EBF1: variants seen among roughly 807,000 people sequenced by gnomAD.
EBF1 encodes the protein EBF transcription factor 1, also known as transcription factor COE1.
EBF1 carries 10 observed loss-of-function variants against 68.4 expected under a neutral mutation model. The ratio of observed to expected loss-of-function variants is 0.15; its 90% CI spans 0.09 to 0.25. The LOEUF (loss-of-function observed/expected upper bound fraction) is 0.25, where lower values mean the gene tolerates loss of function less well. Ranked by LOEUF, EBF1 falls within the 10% of genes least tolerant of loss-of-function variation. EBF1 has a pLI of 1.00. For missense variants in EBF1, 509 were observed against 794.4 expected (o/e 0.64, Z 4.32); for synonymous variants, 298 against 299.8 (o/e 0.99, Z 0.06).
intron 11 of EBF1, among the ~76,000 whole-genome samples, chr5:158,725,787 A>G (rs1762872164): frequency 6.6e-6 from 1 of 152,196 alleles, no homozygotes; most frequent in Admixed American, 6.5e-5. Flanking sequence ...CTCTGGGTTC[A>G]AGGTTTGGCG....
intron 6 of EBF1, among the ~76,000 whole-genome samples, chr5:159,032,167 C>T (rs1341798210): frequency 6.6e-6 from 1 of 152,122 alleles, no homozygotes; most frequent in East Asian, 1.9e-4. Flanking sequence ...AGAACAACTA[C>T]CACTTATTTA....
At chr5:159,000,493 A>G (rs1010469993) in intron 6 of EBF1, among the ~76,000 whole-genome samples, 1 of 152,206 alleles carries the variant, frequency 6.6e-6, no homozygotes, top group African/African-American at 2.4e-5. Context: ...ACTTGAAAAT[A>G]CAACTGACAA....
At chr5:159,084,571 CA>C (rs200028682) in intron 5 of EBF1, 94 bp downstream of exon 5, 177,985 of 816,802 alleles carry the variant, frequency 0.22, 114 homozygotes, top group East Asian at 0.26. Context: ...AAATGTGTAC[CA>C]AAAAAAAAAA....
At chr5:158,699,211 G>T in intron 15 of EBF1, 69 bp from the exon 16 acceptor site, 1 of 1,384,322 alleles carries the variant, frequency 7.2e-7, no homozygotes, top group Non-Finnish European at 9.8e-7. Flanking sequence ...AAATAATGAA[G>T]ACTAAAAAAA....
rs80224324 is a variant in EBF1 at position 158,807,682 on chromosome 5, T to C, written c.779-11207A>G. On this transcript the variant is annotated intron_variant, in intron 8 of 15. Transcript: ENST00000313708. ...ATACTGTCACTGACTTACCAAACAA[T>C]AAACATAATCATGGCCAATTCTGCT... is the stretch of plus-strand genomic sequence containing the variant. 6.6e-5 allele frequency among the ~76,000 whole-genome samples: 10 copies of C among 152,256 alleles called. No individual in the cohort carries two copies. In the East Asian group the frequency reaches 1.9e-3, roughly 29 times the overall value.
At chr5:158,791,131 C>A (rs1482407952) in intron 9 of EBF1, among the ~76,000 whole-genome samples, 2 of 151,824 alleles carry the variant, frequency 1.3e-5, no homozygotes, top group Non-Finnish European at 2.9e-5. Flanking sequence ...CCAGCCTGGC[C>A]AACACGGCAA....
At chr5:158,725,865 G>A (rs531756456) in intron 11 of EBF1, among the ~76,000 whole-genome samples, 5 of 152,178 alleles carry the variant, frequency 3.3e-5, no homozygotes, top group South Asian at 4.1e-4. Context: ...TTAATATGTC[G>A]GCTGTGTGAA....
chr5:158,880,841 G>C (rs1345721), intron 6 of EBF1, among the ~76,000 whole-genome samples: 23,677 of 152,112 alleles, frequency 0.16, 1,912 homozygotes, highest in Non-Finnish European at 0.18. Flanking sequence ...CCTGGAACCC[G>C]GGGTGATTCA....
intron 6 of EBF1, among the ~76,000 whole-genome samples, chr5:159,032,417 A>G (rs113566997): frequency 6.6e-5 from 10 of 152,324 alleles, no homozygotes; most frequent in African/African-American, 2.4e-4. Flanking sequence ...ACCCATTCAA[A>G]ATGGTTATAT....
chr5:158,720,765 A>C (rs371619685), intron 11 of EBF1, among the ~76,000 whole-genome samples: 1 of 152,204 alleles, frequency 6.6e-6, no homozygotes, highest in Non-Finnish European at 1.5e-5. Flanking sequence ...ATAGCTAAGG[A>C]CCACTTTAGA....
intron 6 of EBF1, among the ~76,000 whole-genome samples, chr5:159,040,811 C>A (rs1771053343): frequency 1.3e-5 from 2 of 152,170 alleles, no homozygotes; most frequent in African/African-American, 2.4e-5. Flanking sequence ...GAATTCCATA[C>A]CTTTTCACAG....
At chr5:159,077,011 C>T (rs1401008414) in intron 5 of EBF1, among the ~76,000 whole-genome samples, 2 of 152,158 alleles carry the variant, frequency 1.3e-5, no homozygotes, top group Non-Finnish European at 2.9e-5. Context: ...CAAAGTATGG[C>T]CCCATTTCTG....
intron 3 of EBF1, 34 bp from the exon 4 acceptor site, chr5:159,095,709 A>G (rs200529618): frequency 2.8e-5 from 45 of 1,611,316 alleles, no homozygotes; most frequent in Non-Finnish European, 3.6e-5. Context: ...GAGGAGAATT[A>G]AGTGAGAGGT....
chr5:158,874,815 A>G lies in EBF1; in HGVS notation c.555-34705T>C, dbSNP rs376800605. Among the ~76,000 whole-genome samples the G allele has an allele frequency of 1.6e-4, 24 of 152,318 alleles. 1 individual carries two copies. The highest frequency in any genetic ancestry group is 5.8e-4 in the African/African-American group (24 of 41,568). On this transcript the variant is annotated intron_variant, in intron 6 of 15. Transcript: ENST00000313708. ...AAGGCCAGTGTTTTACACCTACAGT[A>G]ATATAATTCCACTACTTAATGCAAA...
chr5:158,733,408 T>C (rs555145619), intron 10 of EBF1, among the ~76,000 whole-genome samples: 3 of 152,334 alleles, frequency 2.0e-5, no homozygotes, highest in South Asian at 4.1e-4. Context: ...TAGAAATTCA[T>C]GGTTGTTAAT....
At chr5:158,777,839 C>A (rs189274114) in intron 9 of EBF1, among the ~76,000 whole-genome samples, 1 of 152,278 alleles carries the variant, frequency 6.6e-6, no homozygotes, top group East Asian at 1.9e-4. Flanking sequence ...TGGAAAATCT[C>A]TGAAGCAGAC....
chr5:158,876,940 G>T (rs1205553161), intron 6 of EBF1, among the ~76,000 whole-genome samples: 2 of 152,174 alleles, frequency 1.3e-5, no homozygotes, highest in Non-Finnish European at 2.9e-5. Flanking sequence ...ACAAATAGAA[G>T]TAAGCTGTTT....
intron 6 of EBF1, among the ~76,000 whole-genome samples, chr5:158,931,779 G>A (rs1024430714): frequency 4.6e-5 from 7 of 152,120 alleles, no homozygotes; most frequent in African/African-American, 1.4e-4. Context: ...AGGCATAGGG[G>A]CAGCTAATAC....
intron 6 of EBF1, among the ~76,000 whole-genome samples, chr5:158,884,536 C>T (rs1799626805): frequency 6.6e-6 from 1 of 152,092 alleles, no homozygotes. Flanking sequence ...CAAGGTAGCC[C>T]TCAGGACAGG....
Sources: allele counts gnomAD v4.1 joint callset (sites outside exome capture counted in the v4.1 genomes callset), GRCh38; gene constraint gnomAD v4.1.1; transcripts MANE v1.5; gene names NCBI Gene and HGNC (gene_info 2026-07-23, HGNC 2026-07-21).